Variants in DHX30 observed in about 807,000 individuals in gnomAD.
The protein encoded by DHX30 is ATP-dependent RNA helicase DHX30.
DHX30 carries 4 observed loss-of-function variants against 116.9 expected under a neutral mutation model. The ratio of observed to expected loss-of-function variants is 0.03; its 90% CI spans 0.02 to 0.08. The LOEUF is 0.08. Among genes scored for constraint, DHX30 ranks in the 10% least tolerant of loss-of-function variants. DHX30 has a pLI of 1.00. For synonymous variants in DHX30, 697 were observed against 651.7 expected (o/e 1.07, Z -1.06); for missense variants, 871 against 1,595.1 (o/e 0.55, Z 7.73).
intron 4 of DHX30, among the ~76,000 whole-genome samples, chr3:47,818,846 T>A (rs1345214301): frequency 6.6e-6 from 1 of 152,194 alleles, no homozygotes; most frequent in African/African-American, 2.4e-5. Flanking sequence ...TAATAGCTGC[T>A]CTTTTCTGCC....
chr3:47,822,115 T>C (rs2036325164), intron 4 of DHX30: 1 of 152,198 alleles, frequency 6.6e-6, no homozygotes, highest in Non-Finnish European at 1.5e-5. Flanking sequence ...CTGGATTTGG[T>C]CTGCAGGCTG....
chr3:47,821,814 GC>G (rs1221695815), intron 4 of DHX30, among the ~76,000 whole-genome samples: 1 of 151,520 alleles, frequency 6.6e-6, no homozygotes, highest in East Asian at 1.9e-4. Context: ...GGCCAGGCTG[GC>G]CTTGAACTCC....
At chr3:47,804,996 A>G (rs1395547361) in intron 1 of DHX30, among the ~76,000 whole-genome samples, 1 of 152,174 alleles carries the variant, frequency 6.6e-6, no homozygotes, top group Non-Finnish European at 1.5e-5. Flanking sequence ...CATAATTATT[A>G]TGGGATTAGA....
intron 4 of DHX30, among the ~76,000 whole-genome samples, chr3:47,820,310 T>C (rs908181344): frequency 1.3e-5 from 2 of 149,432 alleles, no homozygotes; most frequent in African/African-American, 4.9e-5. Context: ...CGAGACTCCA[T>C]CTCAAAAAAA....
chr3:47,823,042 G>A (rs1262233739), intron 4 of DHX30, among the ~76,000 whole-genome samples: 2 of 146,826 alleles, frequency 1.4e-5, no homozygotes, highest in African/African-American at 5.1e-5. Flanking sequence ...GCAGTGAGCC[G>A]AGATTGCACC....
chr3:47,838,579 G>A (rs927912675), intron 6 of DHX30, among the ~76,000 whole-genome samples: 1 of 152,172 alleles, frequency 6.6e-6, no homozygotes, highest in African/African-American at 2.4e-5. Flanking sequence ...GCAGGCCATG[G>A]TCACTCTCCA....
chr3:47,844,398 C>G (rs1215870204), intron 9 of DHX30, among the ~76,000 whole-genome samples: 1 of 152,240 alleles, frequency 6.6e-6, no homozygotes, highest in Non-Finnish European at 1.5e-5. Flanking sequence ...GCAGAAGCAC[C>G]TTGGCATGGT....
rs55707256 is a variant in DHX30 at position 47,811,115 on chromosome 3, A to G, written c.28+404A>G. On this transcript the variant is annotated intron_variant, in intron 3 of 21. Coordinates refer to ENST00000445061, the MANE Select transcript of DHX30 (RefSeq NM_138615.3). ...CAGGAACCAGCTGCCAAGCTCGGCT[A>G]ATTCTTTTTTTTTTTTTTAGTTGAG... Among the ~76,000 whole-genome samples, 358 of 150,968 alleles carry G rather than the reference A, an allele frequency of 2.4e-3. 1 individual carries two copies. Among genetic ancestry groups the G allele is most frequent in the African/African-American group, 8.2e-3 (339 of 41,116 alleles).
At chr3:47,806,290 C>T (rs928221730) in intron 2 of DHX30, among the ~76,000 whole-genome samples, 24 of 142,180 alleles carry the variant, frequency 1.7e-4, no homozygotes, top group Admixed American at 2.8e-4. Flanking sequence ...ATTACAGGTG[C>T]GCACCACCAC....
At chr3:47,807,470 G>A (rs2035582269) in intron 2 of DHX30, among the ~76,000 whole-genome samples, 3 of 151,916 alleles carry the variant, frequency 2.0e-5, no homozygotes, top group Admixed American at 6.6e-5. Context: ...TTGGGAGGCC[G>A]AGGCAGGCAG....
At position 47,848,278 on chromosome 3, in the gene DHX30, C is replaced by T. The variant is rs771745153; in HGVS notation, c.2385C>T (p.Phe795=). Residue 795 remains phenylalanine, a synonymous_variant, in exon 15 of 22, where the codon TTC becomes TTT. Coordinates refer to ENST00000445061, the MANE Select transcript of DHX30 (RefSeq NM_138615.3). This position sits in a 1 kb window ranked among gnomAD's most constrained non-coding sequence, Gnocchi z 9.4. The stretch of plus-strand genomic sequence containing the variant: ...AGTCCGGCTTTGCCTACCACTTGTT[C>T]CCTCGAAGCCGGCTGGAGAAAATGG... The part of the protein sequence containing the change: ...RCQSGFAYHL[F]PRSRLEKMVP... 5 of 1,613,812 alleles carry T rather than the reference C, an allele frequency of 3.1e-6. No individual in the cohort carries two copies. The highest frequency in any genetic ancestry group is 4.2e-6 in the Non-Finnish European group (5 of 1,179,974).
rs947695278 is a variant in DHX30 at position 47,835,295 on chromosome 3, C to T, written c.367-5582C>T. Among the ~76,000 whole-genome samples, 5 of 152,090 alleles carry T rather than the reference C, an allele frequency of 3.3e-5. No individual in the cohort carries two copies. In the East Asian group the frequency reaches 5.8e-4, roughly 18 times the overall value. On this transcript the variant is annotated intron_variant, in intron 6 of 21. Transcript: ENST00000445061. ...TTCAAGCAGTTCTGTCTCAGCCTCC[C>T]GAGTAGCTGGGATTACAGGCATGTG...
intron 9 of DHX30, 161 bp from the exon 10 acceptor site, chr3:47,845,539 T>C: frequency 1.3e-6 from 1 of 748,490 alleles, no homozygotes; most frequent in African/African-American, 1.8e-5. Context: ...AGTTAACATT[T>C]TCCTAGTTCA....
At chr3:47,839,881 G>T (rs994638379) in intron 6 of DHX30, among the ~76,000 whole-genome samples, 1 of 151,828 alleles carries the variant, frequency 6.6e-6, no homozygotes, top group African/African-American at 2.4e-5. Context: ...CGCCATGTTG[G>T]CCAGGCTGGT....
At chr3:47,828,054 C>T (rs1559701442) in intron 5 of DHX30, among the ~76,000 whole-genome samples, 1 of 151,778 alleles carries the variant, frequency 6.6e-6, no homozygotes, top group Non-Finnish European at 1.5e-5. Flanking sequence ...GAGACCGGTT[C>T]TTGCTATGTT....
intron 3 of DHX30, 92 bp downstream of exon 3, chr3:47,810,803 T>G: frequency 7.6e-7 from 1 of 1,309,890 alleles, no homozygotes; most frequent in Non-Finnish European, 1.1e-6. Context: ...AGTATGTAGT[T>G]CTTGCACATT....
rs1559714364 is a variant in DHX30, at chr3:47,840,956, C to G, written c.446C>G (p.Pro149Arg). The change falls in exon 7 of 22, where the codon CCT becomes CGT. Residue 149 changes from proline (P) to arginine (R), a missense_variant. Coordinates refer to ENST00000445061, the MANE Select transcript of DHX30 (RefSeq NM_138615.3). ...YRVLADRFGS[P>R]ADSWWRPEPT... ...GTGCTAGCTGATCGCTTTGGCTCCC[C>G]TGCCGACAGCTGGTGGCGTCCGGAA... is the stretch of plus-strand genomic sequence containing the variant. 1.9e-6 allele frequency: 3 copies of G among 1,614,240 alleles called. No homozygotes were observed. Among genetic ancestry groups the G allele is most frequent in the East Asian group, 4.5e-5 (2 of 44,882 alleles).
chr3:47,810,570 C>T, intron 2 of DHX30, 87 bp from the exon 3 acceptor site: 1 of 1,057,808 alleles, frequency 9.5e-7, no homozygotes, highest in Non-Finnish European at 1.5e-6. Flanking sequence ...ATTTTCTGAA[C>T]AGTGCTCTCC....
intron 4 of DHX30, chr3:47,825,048 C>T (rs751807980): frequency 9.1e-6 from 6 of 656,528 alleles, no homozygotes; most frequent in Admixed American, 8.9e-5. Flanking sequence ...CGATGGCGGC[C>T]GCTAGGAGAC....
Sources: allele counts gnomAD v4.1 joint callset (sites outside exome capture counted in the v4.1 genomes callset), GRCh38; gene constraint gnomAD v4.1.1; non-coding constraint Gnocchi (gnomAD v3.1); transcripts MANE v1.5; gene names NCBI Gene and HGNC (gene_info 2026-07-23, HGNC 2026-07-21).